Variants in METTL25 observed in about 807,000 individuals in gnomAD.
METTL25 encodes the protein probable methyltransferase-like protein 25.
METTL25 carries 64 observed loss-of-function variants against 71.6 expected under a neutral mutation model. That is an observed-to-expected ratio of 0.89 (90% CI 0.73 to 1.10). The LOEUF is 1.10. Ranked by LOEUF, METTL25 falls within the 50% of genes least tolerant of loss-of-function variation. The pLI is 0.00. For missense variants in METTL25, 807 were observed against 707.0 expected (o/e 1.14, Z -1.60); for synonymous variants, 287 against 250.3 (o/e 1.15, Z -1.38).
chr12:82,387,119 G>A (rs1453687348), intron 2 of METTL25, 152 bp downstream of exon 2: 1 of 636,944 alleles, frequency 1.6e-6, no homozygotes, highest in Non-Finnish European at 2.5e-6. Flanking sequence ...AGAAGTGTAG[G>A]TTTTCCCCTT....
chr12:82,477,524 T>C (rs748741173), intron 11 of METTL25, among the ~76,000 whole-genome samples, 172 bp downstream of exon 11: 2 of 151,806 alleles, frequency 1.3e-5, no homozygotes, highest in African/African-American at 4.8e-5. Context: ...TATAAACATA[T>C]GTACAACAGA....
At chr12:82,389,718 T>G in intron 2 of METTL25, 98 bp from the exon 3 acceptor site, 1 of 687,796 alleles carries the variant, frequency 1.5e-6, no homozygotes, top group South Asian at 1.7e-5. Context: ...ATCTCTGTAT[T>G]ATTTTCCTAC....
intron 3 of METTL25, among the ~76,000 whole-genome samples, chr12:82,394,628 A>C (rs1311638367): frequency 2.0e-5 from 3 of 152,008 alleles, no homozygotes; most frequent in Non-Finnish European, 4.4e-5. Context: ...CAAAACAAAC[A>C]AGAAATATTT....
At position 82,478,938 on chromosome 12, in the gene METTL25, AT is replaced by A. The variant is rs759317911; in HGVS notation, c.1728del (p.Ile576MetfsTer7). 6.2e-7 allele frequency: 1 copy of A among 1,610,652 alleles called. No homozygotes were observed. Among genetic ancestry groups the A allele is most frequent in the Non-Finnish European group, 8.5e-7 (1 of 1,177,638 alleles). ...RLCYLKEQED[I>X]AWSALVKLFD... ...ATCACTTATTAATTTACAGGAAGAT[AT>A]TGCATGGTCTGCTCTTGTGAAGTTG... On this transcript the variant is annotated frameshift_variant, in exon 12 of 12. Coordinates refer to ENST00000248306, the MANE Select transcript of METTL25 (RefSeq NM_032230.3). LOFTEE classifies it high-confidence loss of function.
At chr12:82,467,172 G>A (rs1485997422) in intron 9 of METTL25, among the ~76,000 whole-genome samples, 1 of 151,642 alleles carries the variant, frequency 6.6e-6, no homozygotes, top group South Asian at 2.1e-4. Flanking sequence ...GTTTAAAGTG[G>A]AGAATGTAGA....
chr12:82,412,952 T>C (rs999408278), intron 5 of METTL25, among the ~76,000 whole-genome samples: 1 of 151,986 alleles, frequency 6.6e-6, no homozygotes, highest in Non-Finnish European at 1.5e-5. Flanking sequence ...AATTTTAACA[T>C]AAAATTTTAA....
chr12:82,383,949 A>G (rs1884704770), intron 1 of METTL25, among the ~76,000 whole-genome samples: 1 of 152,128 alleles, frequency 6.6e-6, no homozygotes. Context: ...TTCTTCCCTT[A>G]TGACCAATTA....
intron 5 of METTL25, among the ~76,000 whole-genome samples, chr12:82,420,235 T>C (rs1027662159): frequency 2.6e-5 from 4 of 152,234 alleles, no homozygotes; most frequent in African/African-American, 9.6e-5. Flanking sequence ...GTTTTGATTA[T>C]ACAAAATAAA....
At chr12:82,369,152 C>T (rs1882919253) in intron 1 of METTL25, among the ~76,000 whole-genome samples, 1 of 152,120 alleles carries the variant, frequency 6.6e-6, no homozygotes, top group South Asian at 2.1e-4. Context: ...CATATTGCAT[C>T]TTCTTTCAAA....
chr12:82,437,432 G>A (rs917524795), intron 7 of METTL25, among the ~76,000 whole-genome samples: 3 of 151,482 alleles, frequency 2.0e-5, no homozygotes, highest in Admixed American at 6.6e-5. Context: ...GTTCACTAGC[G>A]ACTTCAGAGG....
At chr12:82,398,152 A>G (rs924537770) in intron 3 of METTL25, among the ~76,000 whole-genome samples, 6 of 151,546 alleles carry the variant, frequency 4.0e-5, no homozygotes, top group East Asian at 3.8e-4. Context: ...ATAGTTTTCA[A>G]TGTATAGGTT....
chr12:82,476,443 C>A, intron 9 of METTL25: 2 of 456,328 alleles, frequency 4.4e-6, no homozygotes, highest in Middle Eastern at 5.6e-4. Context: ...TTATGATGTG[C>A]TGCATAACCT....
At chr12:82,395,995 A>C (rs1886045610) in intron 3 of METTL25, among the ~76,000 whole-genome samples, 2 of 152,116 alleles carry the variant, frequency 1.3e-5, no homozygotes, top group Non-Finnish European at 2.9e-5. Flanking sequence ...CATTTCAGTC[A>C]ACAACAGACC....
At position 82,358,808 on chromosome 12, in the gene METTL25, A is replaced by G; in HGVS notation, c.243A>G (p.Glu81=). The change falls in exon 1 of 12, where the codon GAA becomes GAG. Residue 81 remains glutamate (E), a synonymous_variant. Transcript: ENST00000248306. Reference sequence around the variant, plus strand: ...CCTCAGAGACGCGCCCCCTAGTGGAAGCAGAGTGGGAAGCAGGTGGGTGGT... The same window carrying G: ...CCTCAGAGACGCGCCCCCTAGTGGAGGCAGAGTGGGAAGCAGGTGGGTGGT... The part of the protein sequence containing the change: ...ALPSETRPLV[E]AEWEAGMTDF... 2 of 1,612,180 alleles carry G rather than the reference A, an allele frequency of 1.2e-6. No individual in the cohort carries two copies.
intron 1 of METTL25, among the ~76,000 whole-genome samples, chr12:82,367,816 T>A (rs1252469426): frequency 6.6e-6 from 1 of 152,200 alleles, no homozygotes; most frequent in Non-Finnish European, 1.5e-5. Flanking sequence ...GGAACTTGGC[T>A]ACTAATATAA....
Position 82,433,370 on chromosome 12 carries a change from T to C in METTL25, c.1375-1325T>C, listed in dbSNP as rs192043155. Among the ~76,000 whole-genome samples the C allele has an allele frequency of 2.4e-4, 36 of 151,818 alleles. No individual in the cohort carries two copies. The South Asian group carries it at 2.9e-3, about 12-fold the overall frequency. ...GTTATCTTCAAGGATAAATCTGTTC[T>C]GGACCTGTTGCTGTTATCATAATAT... On this transcript the variant is annotated intron_variant, in intron 6 of 11. Coordinates refer to ENST00000248306, the MANE Select transcript of METTL25 (RefSeq NM_032230.3).
At chr12:82,379,389 CAA>C (rs1290950535) in intron 1 of METTL25, among the ~76,000 whole-genome samples, 6 of 152,152 alleles carry the variant, frequency 3.9e-5, no homozygotes, top group African/African-American at 1.4e-4. Context: ...ATTTTGCTAA[CAA>C]AATTATATTT....
chr12:82,477,785 G>T (rs1044951232), intron 11 of METTL25, among the ~76,000 whole-genome samples: 5 of 151,500 alleles, frequency 3.3e-5, no homozygotes, highest in African/African-American at 1.2e-4. Flanking sequence ...GATTCCTTCT[G>T]TTTTTTTCAC....
chr12:82,477,605 G>T (rs117128503), intron 11 of METTL25, among the ~76,000 whole-genome samples: 5,058 of 151,724 alleles, frequency 0.033, 109 homozygotes, highest in Middle Eastern at 0.048. Context: ...TACATAGGCA[G>T]TGAACATAAA....
Sources: gnomAD v4.1 joint callset for allele counts (sites outside exome capture counted in the v4.1 genomes callset) on GRCh38, gnomAD v4.1.1 for gene constraint, MANE v1.5 for transcripts, NCBI Gene and HGNC (gene_info 2026-07-23, HGNC 2026-07-21) for gene names.